Variants in GPALPP1 observed in about 807,000 individuals in gnomAD.
GPALPP1 encodes GPALPP motifs containing 1.
GPALPP1 carries 30 observed loss-of-function variants against 38.9 expected under a neutral mutation model. The observed-to-expected ratio is 0.77, with a 90% CI of 0.58 to 1.05. The LOEUF is 1.05. GPALPP1 is among the 50% of genes least tolerant of loss of function. The pLI, the probability that GPALPP1 is intolerant of heterozygous loss-of-function variation, is 0.00. For synonymous variants in GPALPP1, 120 were observed against 139.2 expected (o/e 0.86, Z 0.97); for missense variants, 384 against 408.8 (o/e 0.94, Z 0.52).
intron 4 of GPALPP1, among the ~76,000 whole-genome samples, chr13:45,009,599 T>C (rs973198429): frequency 2.0e-5 from 3 of 152,206 alleles, no homozygotes; most frequent in African/African-American, 7.2e-5. Flanking sequence ...AAATCACTTG[T>C]TCAATCTGTT....
chr13:44,994,332 C>T (rs186731133), intron 1 of GPALPP1, among the ~76,000 whole-genome samples: 18 of 152,172 alleles, frequency 1.2e-4, no homozygotes, highest in African/African-American at 4.1e-4. Flanking sequence ...CCTGTAATCC[C>T]AGCACTTTGG....
At chr13:45,013,298 C>T (rs191613852) in intron 4 of GPALPP1, among the ~76,000 whole-genome samples, 8 of 152,160 alleles carry the variant, frequency 5.3e-5, no homozygotes, top group Admixed American at 3.9e-4. Context: ...CTGCCTTCAT[C>T]ATACCAAGAA....
chr13:45,027,282 C>G (rs1297847995), intron 7 of GPALPP1, among the ~76,000 whole-genome samples: 1 of 151,918 alleles, frequency 6.6e-6, no homozygotes, highest in African/African-American at 2.4e-5. Flanking sequence ...AATGTGAACA[C>G]CTACCCTAGC....
At chr13:45,030,479 A>C (rs1876141398), downstream of GPALPP1, 1 of 152,452 alleles carries the variant, frequency 6.6e-6, no homozygotes, top group Non-Finnish European at 1.5e-5. Context: ...TCCTGGGTTC[A>C]AGCGATTCTC....
intron 5 of GPALPP1, 80 bp downstream of exon 5, chr13:45,015,163 A>G: frequency 2.2e-6 from 2 of 913,998 alleles, no homozygotes; most frequent in Non-Finnish European, 3.1e-6. Context: ...AAACTATATA[A>G]CTTTTAATAT....
Position 45,015,547 on chromosome 13 carries a change from A to C in GPALPP1, c.656A>C (p.Asp219Ala), listed in dbSNP as rs1445010413. ...FKRRADDTSG[D>A]RSIWTDTPAD... ...AGAAGAGCTGATGACACATCTGGAG[A>C]TCGATCAATCTGGACAGATACTCCA... The change falls in exon 6 of 8, where the codon GAT becomes GCT. Residue 219 changes from aspartate (D) to alanine (A), a missense_variant. Transcript: ENST00000379151. 2 of 1,599,142 alleles carry C rather than the reference A, an allele frequency of 1.3e-6. No individual in the cohort carries two copies. Among genetic ancestry groups the C allele is most frequent in the Non-Finnish European group, 1.7e-6 (2 of 1,173,088 alleles).
rs189278042 is a variant in GPALPP1 at position 45,019,157 on chromosome 13, A to G, written c.706-1173A>G. On this transcript the variant is annotated intron_variant, in intron 6 of 7. Coordinates refer to ENST00000379151, the MANE Select transcript of GPALPP1 (RefSeq NM_018559.5). ...TATATATTTATATATATGTATATAT[A>G]TATTTTTTGAGACAGAAGCTTGCTC... 1.1e-4 allele frequency among the ~76,000 whole-genome samples: 16 copies of G among 145,736 alleles called. 1 individual carries two copies. In the East Asian group the frequency reaches 2.2e-3, roughly 20 times the overall value.
At chr13:44,999,778 C>T (rs984156284) in intron 1 of GPALPP1, among the ~76,000 whole-genome samples, 2 of 152,142 alleles carry the variant, frequency 1.3e-5, no homozygotes, top group Non-Finnish European at 2.9e-5. Context: ...TGGGGTTTCA[C>T]CATGTTGGCC....
At position 45,020,816 on chromosome 13, in the gene GPALPP1, GT is replaced by G. The variant is rs546742295; in HGVS notation, c.804+392del. Among the ~76,000 whole-genome samples, 23 of 151,062 alleles carry G rather than the reference GT, an allele frequency of 1.5e-4. No individual in the cohort carries two copies. In the South Asian group the frequency reaches 4.8e-3, roughly 32 times the overall value. ...AATACACTATGTTGCATATATTTTT[GT>G]TTTAATAAAATTCTTCTGTGTTTTT... On this transcript the variant is annotated intron_variant, in intron 7 of 7. Transcript: ENST00000379151.
At chr13:44,996,798 TTTTTTTTTTTTC>T (rs1379149790) in intron 1 of GPALPP1, among the ~76,000 whole-genome samples, 13 of 146,458 alleles carry the variant, frequency 8.9e-5, no homozygotes, top group South Asian at 4.7e-4. Flanking sequence ...TTTTTTTTTT[TTTTTTTTTTTTC>T]CAGTTTTTAA....
intron 1 of GPALPP1, among the ~76,000 whole-genome samples, chr13:44,996,365 A>AC (rs1566071915): frequency 6.6e-6 from 1 of 152,060 alleles, no homozygotes; most frequent in African/African-American, 2.4e-5. Flanking sequence ...AAAAAAAAAA[A>AC]AAAATTCCTT....
In GPALPP1 at chr13:45,006,114, T is replaced by C. The variant is rs1485656525; in HGVS notation, c.222-88T>C. On this transcript the variant is annotated intron_variant, in intron 2 of 7. Transcript: ENST00000379151. Reference sequence around the variant, plus strand: ...TTGTTGCAGTGTTTATACAACTAGATTTAATGCTTTTTTAAAAAAAATTAA... The same window carrying C: ...TTGTTGCAGTGTTTATACAACTAGACTTAATGCTTTTTTAAAAAAAATTAA... The C allele has an allele frequency of 7.1e-6, 5 of 705,818 alleles. No homozygotes were observed. In the Admixed American group the frequency reaches 9.8e-5, roughly 14 times the overall value. The allele number at this position is 705,818 out of a possible 1,614,324, so 43.7% of individuals were successfully genotyped here.
Position 44,989,565 on chromosome 13 carries a change from C to A in GPALPP1, c.-90C>A. On this transcript the variant is annotated 5_prime_UTR_variant, in exon 1 of 8. Coordinates refer to ENST00000379151, the MANE Select transcript of GPALPP1 (RefSeq NM_018559.5). ...CATTTCTCGGCGCCGGGAAACCTGC[C>A]ATTCTTCGCTGCTGATCGCGGGATT... 6.7e-7 allele frequency: 1 copy of A among 1,485,434 alleles called. No homozygotes were observed. The highest frequency in any genetic ancestry group is 1.8e-5 in the Admixed American group (1 of 56,454). The allele number at this position is 1,485,434 out of a possible 1,614,324, so 92.0% of individuals were successfully genotyped here.
intron 6 of GPALPP1, among the ~76,000 whole-genome samples, chr13:45,018,549 TA>T (rs1280159860): frequency 6.6e-6 from 1 of 152,212 alleles, no homozygotes; most frequent in African/African-American, 2.4e-5. Flanking sequence ...CATTGTACCA[TA>T]ACATCACTTT....
downstream of GPALPP1, among the ~76,000 whole-genome samples, chr13:45,032,822 G>T (rs986928981): frequency 6.6e-6 from 1 of 151,462 alleles, no homozygotes. Flanking sequence ...GATTGCCTGA[G>T]CTCAGGAGTT....
At chr13:44,999,660 AC>A (rs1873527990) in intron 1 of GPALPP1, among the ~76,000 whole-genome samples, 1 of 152,042 alleles carries the variant, frequency 6.6e-6, no homozygotes, top group Non-Finnish European at 1.5e-5. Flanking sequence ...GCTCACAGCA[AC>A]CTCCGCCTCC....
At chr13:45,003,026 G>C (rs929662489) in intron 1 of GPALPP1, among the ~76,000 whole-genome samples, 1 of 152,096 alleles carries the variant, frequency 6.6e-6, no homozygotes, top group Non-Finnish European at 1.5e-5. Context: ...TTTAATGTTT[G>C]TTTCTCTAGA....
rs1468380235 is a variant in GPALPP1, at chr13:45,019,080, T to C, written c.706-1250T>C. ...ATATATACATATAAATATATACATA[T>C]AAATATATGTATATATATTTATATA... On this transcript the variant is annotated intron_variant, in intron 6 of 7. Transcript: ENST00000379151. Among the ~76,000 whole-genome samples the C allele has an allele frequency of 1.9e-4, 23 of 123,700 alleles. 5 individuals are homozygous for C. The highest frequency in any genetic ancestry group is 3.2e-4 in the Non-Finnish European group (20 of 61,976). The allele number at this position is 123,700 out of a possible 152,430, so 81.2% of individuals were successfully genotyped here.
rs559068248 is a variant in GPALPP1, at chr13:44,995,895, C to T, written c.88+6153C>T. ...GTTTGTGGTGAGGGATGGGAGCACA[C>T]GTGGCTTTCTCTATCTGTAGTTATT... On this transcript the variant is annotated intron_variant, in intron 1 of 7. Transcript: ENST00000379151. Among the ~76,000 whole-genome samples, 20 of 152,248 alleles carry T rather than the reference C, an allele frequency of 1.3e-4. No homozygotes were observed. In the South Asian group the frequency reaches 3.7e-3, roughly 28 times the overall value.
Sources: allele counts gnomAD v4.1 joint callset (sites outside exome capture counted in the v4.1 genomes callset), GRCh38; gene constraint gnomAD v4.1.1; transcripts MANE v1.5; gene names NCBI Gene and HGNC (gene_info 2026-07-23, HGNC 2026-07-21).